The following IKZF2 variants were observed in gnomAD, a reference collection of about 807,000 sequenced individuals.
IKZF2 encodes zinc finger protein Helios.
In IKZF2, 15 loss-of-function variants were observed where a neutral mutation model predicts 49.2. The observed-to-expected ratio is 0.30, with a 90% CI of 0.20 to 0.47. The LOEUF (loss-of-function observed/expected upper bound fraction) is 0.47. Among genes scored for constraint, IKZF2 ranks in the 20% least tolerant of loss-of-function variants. The probability of loss-of-function intolerance (pLI) is 1.00; values close to 1 mark genes in which losing one functional copy is unlikely to be tolerated. For missense variants in IKZF2, 567 were observed against 664.6 expected (o/e 0.85, Z 1.61); for synonymous variants, 227 against 221.4 (o/e 1.03, Z -0.23).
chr2:213,063,400 C>G (rs1413604230), intron 4 of IKZF2, among the ~76,000 whole-genome samples: 1 of 151,906 alleles, frequency 6.6e-6, no homozygotes, highest in Non-Finnish European at 1.5e-5. Flanking sequence ...CCTCTTCTGC[C>G]ATTTAACTTG....
intron 1 of IKZF2, 37 bp from the exon 2 acceptor site, chr2:213,150,284 TG>T (rs2061236906): frequency 1.2e-6 from 1 of 814,908 alleles, no homozygotes; most frequent in Admixed American, 2.4e-5. Flanking sequence ...AGAAGTTTTT[TG>T]TGTTTCCCCC....
At chr2:213,146,345 T>C (rs2061058806) in intron 4 of IKZF2, among the ~76,000 whole-genome samples, 1 of 152,108 alleles carries the variant, frequency 6.6e-6, no homozygotes, top group East Asian at 1.9e-4. Flanking sequence ...GAGATTAGTA[T>C]GATAATTTAG....
At chr2:213,037,482 G>T (rs1441776904) in intron 6 of IKZF2, among the ~76,000 whole-genome samples, 1 of 152,200 alleles carries the variant, frequency 6.6e-6, no homozygotes, top group African/African-American at 2.4e-5. Flanking sequence ...CTGGGGTAGG[G>T]GGAAAGAGGC....
At chr2:213,150,446 A>G (rs1575017839) in intron 1 of IKZF2, 199 bp from the exon 2 acceptor site, 2 of 220,428 alleles carry the variant, frequency 9.1e-6, no homozygotes, top group Admixed American at 5.3e-5. Flanking sequence ...ATGAGAGAGA[A>G]GAACACCCCC....
At chr2:213,124,297 C>G (rs927041549) in intron 4 of IKZF2, among the ~76,000 whole-genome samples, 15 of 134,572 alleles carry the variant, frequency 1.1e-4, no homozygotes, top group Non-Finnish European at 1.6e-4. Context: ...CACACACACA[C>G]AGCCACACAA....
At chr2:213,143,729 A>C (rs2060951193) in intron 4 of IKZF2, among the ~76,000 whole-genome samples, 1 of 151,864 alleles carries the variant, frequency 6.6e-6, no homozygotes, top group East Asian at 1.9e-4. Context: ...ACAGAAGAAA[A>C]CTCAGAAAGC....
At chr2:213,024,544 T>G (rs1195063718) in intron 6 of IKZF2, among the ~76,000 whole-genome samples, 1 of 152,134 alleles carries the variant, frequency 6.6e-6, no homozygotes, top group Non-Finnish European at 1.5e-5. Flanking sequence ...TTGAAAAGGT[T>G]GAACAAGAAG....
Position 213,007,567 on chromosome 2 carries a change from G to A in IKZF2, c.1374C>T (p.Tyr458=), listed in dbSNP as rs200362094. Residue 458 remains tyrosine (Y), a synonymous_variant, in exon 9 of 9, where the codon TAC becomes TAT. Coordinates refer to ENST00000434687, the MANE Select transcript of IKZF2 (RefSeq NM_001387220.1). The part of the protein sequence containing the change: ...KAPKGSLKDI[Y]KVFNGEGEQI... ...GTTCTCCTTCTCCATTGAAGACCTTGTAGATGTCCTTCAGAGAGCCCTTAG... is the reference window on the plus strand; with the variant it reads ...GTTCTCCTTCTCCATTGAAGACCTTATAGATGTCCTTCAGAGAGCCCTTAG... The A allele has an allele frequency of 3.8e-5, 61 of 1,613,556 alleles. No individual in the cohort carries two copies. The highest frequency in any genetic ancestry group is 5.2e-5 in the Non-Finnish European group (61 of 1,179,724).
chr2:213,049,551 T>C (rs1040666162), intron 6 of IKZF2, among the ~76,000 whole-genome samples, 162 bp downstream of exon 6: 1 of 152,160 alleles, frequency 6.6e-6, no homozygotes, highest in Non-Finnish European at 1.5e-5. Context: ...AAATGAAAGA[T>C]ACATGCATCC....
chr2:213,045,064 T>C (rs1401234221), intron 6 of IKZF2, among the ~76,000 whole-genome samples: 1 of 152,236 alleles, frequency 6.6e-6, no homozygotes, highest in Non-Finnish European at 1.5e-5. Flanking sequence ...CACATGAGGC[T>C]AGTGGCTACC....
chr2:213,022,024 C>T lies in IKZF2; in HGVS notation c.681G>A (p.Met227Ile), dbSNP rs79632789. 7.9e-4 allele frequency: 1,279 copies of T among 1,613,824 alleles called. 12 individuals are homozygous for T. The African/African-American group carries it at 0.016, about 20-fold the overall frequency. ...GACTCATGACCTGCCCAGCAGCCTC[C>T]ATGCTGACATTCTGGAGATAGTTGT... ...RCHNYLQNVS[M>I]EAAGQVMSHH... Residue 227 changes from methionine (M) to isoleucine (I), a missense_variant, in exon 7 of 9, where the codon ATG (methionine) becomes ATA (isoleucine). Transcript: ENST00000434687.
At chr2:213,023,739 A>C (rs368345202) in intron 6 of IKZF2, among the ~76,000 whole-genome samples, 1 of 152,178 alleles carries the variant, frequency 6.6e-6, no homozygotes, top group Non-Finnish European at 1.5e-5. Context: ...ATACTGAACA[A>C]GTTTATTAAC....
At chr2:213,098,321 T>C (rs1445915126) in intron 4 of IKZF2, among the ~76,000 whole-genome samples, 1 of 152,122 alleles carries the variant, frequency 6.6e-6, no homozygotes, top group African/African-American at 2.4e-5. Context: ...TTTCCAATTT[T>C]AGGACTTACA....
intron 4 of IKZF2, among the ~76,000 whole-genome samples, chr2:213,099,656 C>T (rs1706423568): frequency 1.3e-5 from 2 of 152,070 alleles, no homozygotes; most frequent in South Asian, 4.1e-4. Flanking sequence ...TTATTACCTC[C>T]TCATTTAAAA....
At chr2:213,088,458 C>T (rs1704919251) in intron 4 of IKZF2, among the ~76,000 whole-genome samples, 2 of 152,086 alleles carry the variant, frequency 1.3e-5, no homozygotes, top group African/African-American at 4.8e-5. Flanking sequence ...TTAAAAACAG[C>T]TTTAAAAATA....
At chr2:213,144,844 A>C (rs1247170055) in intron 4 of IKZF2, among the ~76,000 whole-genome samples, 2 of 151,976 alleles carry the variant, frequency 1.3e-5, no homozygotes, top group South Asian at 2.1e-4. Context: ...TGTTAGGATC[A>C]CTAATACCTC....
At chr2:213,069,994 T>C (rs1311647857) in intron 4 of IKZF2, among the ~76,000 whole-genome samples, 1 of 152,120 alleles carries the variant, frequency 6.6e-6, no homozygotes, top group Non-Finnish European at 1.5e-5. Context: ...TGTGCGATAT[T>C]TTTAACCATA....
intron 4 of IKZF2, among the ~76,000 whole-genome samples, chr2:213,106,700 G>A (rs10932466): frequency 0.14 from 21,714 of 151,256 alleles, 3,516 homozygotes; most frequent in African/African-American, 0.41. Context: ...TTTTAAGTAG[G>A]TTTTCCATTT....
At chr2:213,150,383 T>C in intron 1 of IKZF2, 136 bp from the exon 2 acceptor site, 1 of 312,628 alleles carries the variant, frequency 3.2e-6, no homozygotes. Flanking sequence ...TACAGGTGGG[T>C]CATTCCAAGC....
Sources: allele counts gnomAD v4.1 joint callset (sites outside exome capture counted in the v4.1 genomes callset), GRCh38; gene constraint gnomAD v4.1.1; transcripts MANE v1.5; gene names NCBI Gene and HGNC (gene_info 2026-07-23, HGNC 2026-07-21).